The following ZFAT variants were observed in gnomAD, a reference collection of about 807,000 sequenced individuals.
ZFAT encodes the protein zinc finger protein ZFAT.
Under a neutral mutation model 117.7 loss-of-function variants are expected in ZFAT, and 64 were observed. The observed-to-expected ratio is 0.54, with a 90% CI of 0.44 to 0.67. The LOEUF (loss-of-function observed/expected upper bound fraction) is 0.67. Among genes scored for constraint, ZFAT ranks in the 30% least tolerant of loss-of-function variants. ZFAT has a pLI of 0.00. For missense variants in ZFAT, 1,433 were observed against 1,584.5 expected (o/e 0.90, Z 1.62); for synonymous variants, 679 against 615.0 (o/e 1.10, Z -1.54).
the ZFAT span, among the ~76,000 whole-genome samples, chr8:134,787,696 C>A: frequency 6.6e-6 from 1 of 152,034 alleles, no homozygotes; most frequent in South Asian, 2.1e-4. Context: ...TTGTTAATTT[C>A]TCCAACATAC....
the ZFAT span, among the ~76,000 whole-genome samples, chr8:134,733,592 T>C: frequency 6.6e-6 from 1 of 152,264 alleles, no homozygotes; most frequent in Non-Finnish European, 1.5e-5. Context: ...ATGCAACTTC[T>C]AATGCCTTCC....
chr8:134,610,365 C>G, intron 4 of ZFAT, 105 bp downstream of exon 4: 3 of 1,239,138 alleles, frequency 2.4e-6, no homozygotes, highest in Non-Finnish European at 3.3e-6. Flanking sequence ...GAGAGCCCCA[C>G]CAATGCACCA....
chr8:134,512,471 T>C lies in ZFAT; in HGVS notation c.3361+4A>G, dbSNP rs768668735. ...GATGGCAAAGGAAGACCAGGCGTCC[T>C]CACCACTCTCAGAGGTGTATCTCAG... On this transcript the variant is annotated splice_donor_region_variant and intron_variant, in intron 14 of 15. Transcript: ENST00000377838. 1 of 1,613,460 alleles carries C rather than the reference T, an allele frequency of 6.2e-7. No individual in the cohort carries two copies. The highest frequency in any genetic ancestry group is 1.1e-5 in the South Asian group (1 of 91,014).
Position 134,532,960 on chromosome 8 carries a change from C to A in ZFAT, c.2989G>T (p.Ala997Ser). The A allele has an allele frequency of 6.2e-7, 1 of 1,604,850 alleles. No individual in the cohort carries two copies. The highest frequency in any genetic ancestry group is 1.1e-5 in the South Asian group (1 of 88,880). ...QHVSFKPFRC[A>S]HCHYSCNISG... ...ATGTTGCAGGAGTAATGGCAATGGG[C>A]ACAGCGGAAAGGCTGCGGGGACAAT... Residue 997 changes from alanine to serine, a missense_variant, in exon 12 of 16, where the codon GCC becomes TCC. Physicochemically the swap from Ala to Ser is moderately conservative, Grantham distance 99. Around this residue, in one of 5 missense-constraint regions of ZFAT, gnomAD observed 503 missense variants for 543.4 expected, o/e 0.93. Transcript: ENST00000377838.
chr8:134,508,117 G>A (rs1173691137), intron 15 of ZFAT, among the ~76,000 whole-genome samples: 1 of 152,366 alleles, frequency 6.6e-6, no homozygotes, highest in African/African-American at 2.4e-5. Flanking sequence ...CACTGTGGAG[G>A]AGGGATTTTA....
intron 15 of ZFAT, among the ~76,000 whole-genome samples, chr8:134,496,093 G>A (rs1818415317): frequency 6.6e-6 from 1 of 152,210 alleles, no homozygotes; most frequent in South Asian, 2.1e-4. Flanking sequence ...AAGGAGCTAT[G>A]CTGTTTCCAT....
chr8:134,534,775 A>AGAAAGAG (rs1821706312), intron 11 of ZFAT, among the ~76,000 whole-genome samples: 17 of 136,442 alleles, frequency 1.2e-4, no homozygotes, highest in African/African-American at 4.5e-4. Context: ...GAGAGGGAGA[A>AGAAAGAG]AGAGAGAGAG....
At chr8:134,529,418 T>C (rs1178096771) in intron 12 of ZFAT, among the ~76,000 whole-genome samples, 3 of 152,234 alleles carry the variant, frequency 2.0e-5, no homozygotes, top group Admixed American at 2.0e-4. Flanking sequence ...ATTTCTTCCT[T>C]AAACAGCATG....
At chr8:134,716,055 A>C (rs1814207695), upstream of ZFAT, among the ~76,000 whole-genome samples, 2 of 151,904 alleles carry the variant, frequency 1.3e-5, no homozygotes, top group South Asian at 4.2e-4. Context: ...TGAGCCCAGG[A>C]GCTCAAGGCT....
intron 11 of ZFAT, among the ~76,000 whole-genome samples, chr8:134,557,681 A>G (rs1823751240): frequency 6.6e-6 from 1 of 152,238 alleles, no homozygotes; most frequent in Non-Finnish European, 1.5e-5. Context: ...GAAGACAGAA[A>G]AGAAGGAAAG....
chr8:134,808,725 G>C, the ZFAT span, among the ~76,000 whole-genome samples: 1 of 152,190 alleles, frequency 6.6e-6, no homozygotes, highest in Admixed American at 6.5e-5. Context: ...TGTACCGCAT[G>C]CTCACACCTT....
At chr8:134,528,585 CAT>C (rs1365169347) in intron 12 of ZFAT, among the ~76,000 whole-genome samples, 11 of 152,176 alleles carry the variant, frequency 7.2e-5, no homozygotes, top group African/African-American at 2.7e-4. Flanking sequence ...TTCAAAGTAA[CAT>C]AAAGATTCTA....
chr8:134,492,673 T>C (rs185616194), intron 15 of ZFAT, among the ~76,000 whole-genome samples: 6 of 152,344 alleles, frequency 3.9e-5, no homozygotes, highest in African/African-American at 1.4e-4. Context: ...GACATTTGCT[T>C]TCACAACCCT....
intron 1 of ZFAT, among the ~76,000 whole-genome samples, chr8:134,674,437 G>C (rs1373638910): frequency 6.6e-6 from 1 of 152,168 alleles, no homozygotes; most frequent in Non-Finnish European, 1.5e-5. Context: ...CATTGCTGAG[G>C]CCTGAGTAGG....
intron 3 of ZFAT, among the ~76,000 whole-genome samples, chr8:134,630,403 G>A (rs966981595): frequency 1.3e-5 from 2 of 152,178 alleles, no homozygotes; most frequent in Non-Finnish European, 2.9e-5. Context: ...TTTCAGTCAT[G>A]GCAGGTATTT....
chr8:134,645,804 G>A lies in ZFAT; in HGVS notation c.197-8092C>T, dbSNP rs185543922. Among the ~76,000 whole-genome samples, 867 of 152,162 alleles carry A rather than the reference G, an allele frequency of 5.7e-3. 14 individuals carry two copies. The highest frequency in any genetic ancestry group is 4.6e-3 in the Non-Finnish European group (316 of 68,004). ...ACCAACAAATTCTAATACATATACC[G>A]AACATGCCACCCAGCAACAGCAGAA... On this transcript the variant is annotated intron_variant, in intron 2 of 15. Transcript: ENST00000377838.
rs184210711 is a variant in ZFAT at position 134,569,363 on chromosome 8, T to C, written c.2888-3942A>G. 2.9e-4 allele frequency among the ~76,000 whole-genome samples: 44 copies of C among 152,214 alleles called. No homozygotes were observed. In the East Asian group the frequency reaches 8.1e-3, roughly 28 times the overall value. ...CAGTCTGTTGACCCCAACACCCCCA[T>C]TCACAGCCACATAAGAATCTTTTCA... is the stretch of plus-strand genomic sequence containing the variant. On this transcript the variant is annotated intron_variant, in intron 10 of 15. Transcript: ENST00000377838.
the ZFAT span, among the ~76,000 whole-genome samples, chr8:134,759,062 A>G: frequency 6.6e-6 from 1 of 152,246 alleles, no homozygotes; most frequent in Non-Finnish European, 1.5e-5. Context: ...TTGTCTATCA[A>G]AACTCATGAA....
chr8:134,633,063 G>A (rs1393826119), intron 3 of ZFAT, among the ~76,000 whole-genome samples: 4 of 151,836 alleles, frequency 2.6e-5, no homozygotes, highest in African/African-American at 7.3e-5. Context: ...TTGACAATAC[G>A]TATGCGCGTC....
Sources: gnomAD v4.1 joint callset for allele counts (sites outside exome capture counted in the v4.1 genomes callset) on GRCh38, gnomAD v4.1.1 for gene constraint, gnomAD v4.1.1 regional missense constraint, MANE v1.5 for transcripts, NCBI Gene and HGNC (gene_info 2026-07-23, HGNC 2026-07-21) for gene names.